PKD1L3: variants seen among roughly 807,000 people sequenced by gnomAD.
The protein encoded by PKD1L3 is polycystin-1-like protein 3.
In PKD1L3, 239 loss-of-function variants were observed where a neutral mutation model predicts 184.1. That is an observed-to-expected ratio of 1.30 (90% CI 1.17 to 1.45). The LOEUF is 1.45. Among genes scored for constraint, PKD1L3 ranks in the 40% most tolerant of loss-of-function variants. PKD1L3 has a pLI of 0.00. For missense variants in PKD1L3, 2,660 were observed against 2,067.2 expected, an observed-to-expected ratio of 1.29 and a Z score of -5.56; for synonymous variants, 996 against 778.8, an observed-to-expected ratio of 1.28 and a Z score of -4.64.
At chr16:71,978,450 A>C in intron 9 of PKD1L3, 67 bp from the exon 10 acceptor site, 1 of 1,321,098 alleles carries the variant, frequency 7.6e-7, no homozygotes, top group East Asian at 2.8e-5. Flanking sequence ...CACTAGAAAG[A>C]TATATCATAT....
intron 16 of PKD1L3, among the ~76,000 whole-genome samples, chr16:71,962,897 A>T (rs1019305471): frequency 1.3e-5 from 2 of 152,158 alleles, no homozygotes; most frequent in African/African-American, 4.8e-5. Flanking sequence ...TCCTTTTTAT[A>T]TTCCATTGAT....
At chr16:71,995,414 C>T (rs887988506) in intron 2 of PKD1L3, among the ~76,000 whole-genome samples, 1 of 152,216 alleles carries the variant, frequency 6.6e-6, no homozygotes, top group African/African-American at 2.4e-5. Context: ...CGAAAGGTCT[C>T]ATTTCCATCT....
rs905838887 is a variant in PKD1L3 at position 71,967,181 on chromosome 16, G to C, written c.2421C>G (p.His807Gln). Reference sequence around the variant, plus strand: ...AATTGTCATGCCAGAGCCGAAGGCTGTGCAGGTTCCCTAGAGAGGTCCAAG... The same window carrying C: ...AATTGTCATGCCAGAGCCGAAGGCTCTGCAGGTTCCCTAGAGAGGTCCAAG... ...LTTWTSLGNLHSLRLWHDNSG... is the reference protein window; with the variant it reads ...LTTWTSLGNLQSLRLWHDNSG... The change falls in exon 15 of 30, where the codon CAC becomes CAG. Residue 807 changes from histidine (H) to glutamine (Q), a missense_variant. By Grantham distance (24) the His-to-Gln change is conservative. Transcript: ENST00000620267. 6.4e-7 allele frequency: 1 copy of C among 1,551,750 alleles called. No homozygotes were observed. Among genetic ancestry groups the C allele is most frequent in the Non-Finnish European group, 8.7e-7 (1 of 1,146,980 alleles).
intron 22 of PKD1L3, 95 bp from the exon 23 acceptor site, chr16:71,944,265 A>C: frequency 8.4e-7 from 1 of 1,189,168 alleles, no homozygotes; most frequent in South Asian, 1.4e-5. Flanking sequence ...ACCTCCTTTT[A>C]AATGTTAAAC....
chr16:71,967,246 C>A lies in PKD1L3; in HGVS notation c.2356G>T (p.Val786Phe). Reference sequence around the variant, plus strand: ...ACATCCAGGCCCCCTCGTTCAAAGACTGTCTTCTGGGGGTCACAGAGGTGA... The same window carrying A: ...ACATCCAGGCCCCCTCGTTCAAAGAATGTCTTCTGGGGGTCACAGAGGTGA... The part of the protein sequence containing the change: ...PHHLCDPQKT[V>F]FERGGLDVFL... Residue 786 changes from valine to phenylalanine, a missense_variant, in exon 15 of 30, where the codon GTC becomes TTC. Physicochemically the swap from Val to Phe is conservative, Grantham distance 50 (BLOSUM62 -1). Coordinates refer to ENST00000620267, the MANE Select transcript of PKD1L3 (RefSeq NM_181536.2). 1 of 1,551,662 alleles carries A rather than the reference C, an allele frequency of 6.4e-7. No homozygotes were observed. The highest frequency in any genetic ancestry group is 1.2e-5 in the South Asian group (1 of 84,060).
intron 24 of PKD1L3, among the ~76,000 whole-genome samples, chr16:71,939,255 G>A (rs1032390898): frequency 1.8e-4 from 27 of 152,358 alleles, no homozygotes; most frequent in Admixed American, 1.2e-3. Flanking sequence ...GCTGGACCCC[G>A]TGCTTGCTCA....
rs368698468 is a variant in PKD1L3, at chr16:71,980,852, T to C, written c.1144-718A>G. Among the ~76,000 whole-genome samples, 22 of 152,056 alleles carry C rather than the reference T, an allele frequency of 1.4e-4. No homozygotes were observed. The South Asian group carries it at 4.6e-3, about 32-fold the overall frequency. On this transcript the variant is annotated intron_variant, in intron 7 of 29. Transcript: ENST00000620267. The stretch of plus-strand genomic sequence containing the variant: ...TCTGTCTCATAAAATAAAATAAACC[T>C]GGTACCCATTAGCAGTCACTCTCCA...
rs771461382 is a variant in PKD1L3, at chr16:71,990,342, G to T, written c.536-13C>A. 1 of 1,540,488 alleles carries T rather than the reference G, an allele frequency of 6.5e-7. No individual in the cohort carries two copies. The highest frequency in any genetic ancestry group is 1.2e-5 in the South Asian group (1 of 83,616). ...AGATGACCAGGTCCTATAGAAAAAA[G>T]AAAGCAGACTAAGTTCAAGTAAAAG... On this transcript the variant is annotated splice_polypyrimidine_tract_variant and intron_variant, in intron 3 of 29. Coordinates refer to ENST00000620267, the MANE Select transcript of PKD1L3 (RefSeq NM_181536.2).
intron 9 of PKD1L3, 96 bp from the exon 10 acceptor site, chr16:71,978,479 G>GTA (rs2040014770): frequency 1.1e-5 from 1 of 91,494 alleles, no homozygotes; most frequent in South Asian, 2.3e-4. Flanking sequence ...GTATATATGT[G>GTA]TGTGTGTGTG....
chr16:71,966,365 C>G lies in PKD1L3; in HGVS notation c.2465+772G>C, dbSNP rs79821772. Among the ~76,000 whole-genome samples the G allele has an allele frequency of 6.8e-3, 1,030 of 152,074 alleles. 17 individuals carry two copies. The highest frequency in any genetic ancestry group is 0.023 in the African/African-American group (951 of 41,496). On this transcript the variant is annotated intron_variant, in intron 15 of 29. Transcript: ENST00000620267. Reference sequence around the variant, plus strand: ...GGACTTTATCATCGTCTAGTTATTTCTCTAACTCCTTAGGCACATCTCATA... The same window carrying G: ...GGACTTTATCATCGTCTAGTTATTTGTCTAACTCCTTAGGCACATCTCATA...
At chr16:71,996,839 G>C (rs1003730417) in intron 2 of PKD1L3, among the ~76,000 whole-genome samples, 4 of 152,152 alleles carry the variant, frequency 2.6e-5, no homozygotes, top group African/African-American at 9.7e-5. Flanking sequence ...TTGGGTAGGA[G>C]TATGAAGGTT....
Position 71,979,962 on chromosome 16 carries a change from G to A in PKD1L3, c.1271+45C>T, listed in dbSNP as rs141699160. 34 of 1,549,750 alleles carry A rather than the reference G, an allele frequency of 2.2e-5. No individual in the cohort carries two copies. In the African/African-American group the frequency reaches 3.7e-4, roughly 17 times the overall value. On this transcript the variant is annotated intron_variant, in intron 8 of 29. Transcript: ENST00000620267. The stretch of plus-strand genomic sequence containing the variant: ...GTCAATTTTTGTGTGTCCTCTGAAA[G>A]TGAAAAACACAGTGAAACTCTCCCC...
intron 11 of PKD1L3, 62 bp downstream of exon 11, chr16:71,977,174 C>G: frequency 7.9e-7 from 1 of 1,264,344 alleles, no homozygotes; most frequent in Non-Finnish European, 1.1e-6. Flanking sequence ...GATGGTGCCA[C>G]TGCACTACAT....
intron 4 of PKD1L3, among the ~76,000 whole-genome samples, chr16:71,987,263 C>A (rs2040408931): frequency 6.6e-6 from 1 of 151,346 alleles, no homozygotes; most frequent in African/African-American, 2.4e-5. Flanking sequence ...CTCTGTCACC[C>A]GGGCTGGAGT....
chr16:71,955,811 A>G (rs1443281700), intron 16 of PKD1L3, among the ~76,000 whole-genome samples: 1 of 152,052 alleles, frequency 6.6e-6, no homozygotes, highest in African/African-American at 2.4e-5. Flanking sequence ...TGGTTTTATA[A>G]GGTGCTCCCC....
chr16:71,986,568 G>A lies in PKD1L3; in HGVS notation c.586-99C>T. On this transcript the variant is annotated intron_variant, in intron 4 of 29. Transcript: ENST00000620267. ...CAAATACTCTGAAACTCTGTCCTAT[G>A]AGATACTAATAGGCATTTCTGTTAA... 6 of 1,304,702 alleles carry A rather than the reference G, an allele frequency of 4.6e-6. No individual in the cohort carries two copies. The South Asian group carries it at 6.3e-5, about 14-fold the overall frequency. The allele number at this position is 1,304,702 out of a possible 1,614,324, so 80.8% of individuals were successfully genotyped here. A position where few individuals can be genotyped will look rare whatever the true frequency, so the allele number is the denominator to read the frequency against.
At chr16:71,935,640 A>C (rs2038149401) in intron 25 of PKD1L3, 122 bp from the exon 26 acceptor site, 2 of 908,112 alleles carry the variant, frequency 2.2e-6, no homozygotes, top group African/African-American at 1.7e-5. Context: ...CATTTATCAG[A>C]TCTCACTTGG....
chr16:71,941,461 A>G (rs1271805223), intron 24 of PKD1L3, among the ~76,000 whole-genome samples: 1 of 152,108 alleles, frequency 6.6e-6, no homozygotes, highest in African/African-American at 2.4e-5. Context: ...CAATGTCAAA[A>G]TGCTAGAAAA....
At chr16:71,947,957 C>T (rs1212934177) in intron 21 of PKD1L3, among the ~76,000 whole-genome samples, 2 of 150,178 alleles carry the variant, frequency 1.3e-5, no homozygotes, top group Non-Finnish European at 2.9e-5. Flanking sequence ...CGCTCTGTCA[C>T]CCAGGCTGGA....
Sources: gnomAD v4.1 joint callset for allele counts (sites outside exome capture counted in the v4.1 genomes callset) on GRCh38, gnomAD v4.1.1 for gene constraint, MANE v1.5 for transcripts, NCBI Gene and HGNC (gene_info 2026-07-23, HGNC 2026-07-21) for gene names.